Variants in MSRA observed in about 807,000 individuals in gnomAD.
MSRA encodes methionine sulfoxide reductase A.
A neutral mutation model predicts 31.3 loss-of-function variants in MSRA; 54 were observed. The observed-to-expected ratio is 1.73, with a 90% confidence interval of 1.39 to 2.17. The LOEUF (loss-of-function observed/expected upper bound fraction) is 2.17, where lower values mean the gene tolerates loss of function less well. Among genes scored for constraint, MSRA ranks in the 30% most tolerant of loss-of-function variants. The pLI, the probability that MSRA is intolerant of heterozygous loss-of-function variation, is 0.00. For missense variants in MSRA, 507 were observed against 300.9 expected, an observed-to-expected ratio of 1.69 and a Z score of -5.07; for synonymous variants, 169 against 116.5, an observed-to-expected ratio of 1.45 and a Z score of -2.90.
intron 5 of MSRA, among the ~76,000 whole-genome samples, chr8:10,328,436 G>A (rs969297180): frequency 4.0e-5 from 6 of 151,574 alleles, no homozygotes; most frequent in African/African-American, 1.2e-4. Flanking sequence ...TTTCTCTCAC[G>A]TTCACTCTCA....
At chr8:10,192,412 G>C (rs561733359) in intron 1 of MSRA, among the ~76,000 whole-genome samples, 1 of 152,140 alleles carries the variant, frequency 6.6e-6, no homozygotes, top group Non-Finnish European at 1.5e-5. Context: ...CCGCAGCCCA[G>C]CTGACACCTT....
intron 1 of MSRA, among the ~76,000 whole-genome samples, chr8:10,106,028 A>G (rs937667544): frequency 2.0e-5 from 3 of 152,132 alleles, no homozygotes; most frequent in Non-Finnish European, 2.9e-5. Context: ...CGGAAAGGAT[A>G]CTCTTTCCAC....
intron 5 of MSRA, among the ~76,000 whole-genome samples, chr8:10,384,651 G>A (rs930938644): frequency 6.6e-6 from 1 of 152,200 alleles, no homozygotes; most frequent in South Asian, 2.1e-4. Flanking sequence ...TGCAGCCAGG[G>A]CTGAGAACTG....
In MSRA at chr8:10,136,092, T is replaced by C. The variant is rs888003367; in HGVS notation, c.143-71741T>C. On this transcript the variant is annotated intron_variant, in intron 1 of 5. Coordinates refer to ENST00000317173, the MANE Select transcript of MSRA (RefSeq NM_012331.5). The stretch of plus-strand genomic sequence containing the variant: ...ATCTGGAACACTGTATTCTATCCAT[T>C]TTAAATTTTAGGCCATGAAAGTGAG... Among the ~76,000 whole-genome samples the C allele has an allele frequency of 2.0e-5, 3 of 152,222 alleles. No individual in the cohort carries two copies. The East Asian group carries it at 5.8e-4, about 29-fold the overall frequency.
intron 1 of MSRA, among the ~76,000 whole-genome samples, chr8:10,116,529 A>G: frequency 6.6e-6 from 1 of 152,222 alleles, no homozygotes; most frequent in East Asian, 1.9e-4. Flanking sequence ...AGGCTTCTAC[A>G]GATTGTTGTA....
At chr8:10,340,049 G>C (rs920806416) in intron 5 of MSRA, among the ~76,000 whole-genome samples, 3 of 152,166 alleles carry the variant, frequency 2.0e-5, no homozygotes, top group African/African-American at 4.8e-5. Context: ...GCCATTTCCT[G>C]GCCCGTGTGG....
At chr8:10,228,116 C>T (rs1303525656) in intron 2 of MSRA, among the ~76,000 whole-genome samples, 1 of 152,108 alleles carries the variant, frequency 6.6e-6, no homozygotes, top group Admixed American at 6.5e-5. Context: ...CAGGGTCTGG[C>T]TGTCTCTCGT....
chr8:10,167,248 A>G (rs1359685345), intron 1 of MSRA, among the ~76,000 whole-genome samples: 2 of 152,112 alleles, frequency 1.3e-5, no homozygotes, highest in African/African-American at 4.8e-5. Flanking sequence ...CAGTGTTGTG[A>G]GCTTTAACTG....
chr8:10,082,431 T>G (rs1449340317), intron 1 of MSRA, among the ~76,000 whole-genome samples: 1 of 152,114 alleles, frequency 6.6e-6, no homozygotes. Context: ...GCTGTCCACC[T>G]TCCTTCCCAG....
chr8:10,058,821 G>T (rs1802542793), intron 1 of MSRA: 1 of 152,054 alleles, frequency 6.6e-6, no homozygotes, highest in Non-Finnish European at 1.5e-5. Flanking sequence ...TACCTTTTTT[G>T]TATTAAGGAA....
intron 1 of MSRA, among the ~76,000 whole-genome samples, chr8:10,146,499 G>C (rs1190481276): frequency 6.6e-6 from 1 of 152,148 alleles, no homozygotes; most frequent in Non-Finnish European, 1.5e-5. Context: ...GCAGGTGAGT[G>C]GCTGCTGAGG....
intron 3 of MSRA, among the ~76,000 whole-genome samples, chr8:10,281,730 T>C (rs563041550): frequency 6.6e-6 from 1 of 152,292 alleles, no homozygotes; most frequent in Admixed American, 6.5e-5. Context: ...TTTACTTTAT[T>C]CTCTTTGCCA....
At chr8:10,409,708 C>G (rs1033129751) in intron 5 of MSRA, among the ~76,000 whole-genome samples, 23 of 152,228 alleles carry the variant, frequency 1.5e-4, no homozygotes, top group African/African-American at 5.5e-4. Flanking sequence ...CGTGCTTGTC[C>G]TTGTCTCCCA....
At chr8:10,137,704 G>A (rs1802387797) in intron 1 of MSRA, among the ~76,000 whole-genome samples, 1 of 152,152 alleles carries the variant, frequency 6.6e-6, no homozygotes. Flanking sequence ...AAAGTGGGCA[G>A]TGGGAGTGGT....
chr8:10,142,310 G>A (rs1554461742), intron 1 of MSRA, among the ~76,000 whole-genome samples: 2 of 151,980 alleles, frequency 1.3e-5, no homozygotes, highest in Non-Finnish European at 2.9e-5. Flanking sequence ...GGCCAACGAG[G>A]TAGGTAATAG....
At chr8:10,174,943 C>A (rs117893595) in intron 1 of MSRA, among the ~76,000 whole-genome samples, 1 of 152,216 alleles carries the variant, frequency 6.6e-6, no homozygotes, top group Non-Finnish European at 1.5e-5. Context: ...ACAGCCTTGC[C>A]GATCTTGCCC....
At chr8:10,242,888 C>T (rs1797409769) in intron 2 of MSRA, among the ~76,000 whole-genome samples, 1 of 152,146 alleles carries the variant, frequency 6.6e-6, no homozygotes, top group African/African-American at 2.4e-5. Context: ...GACCATATTC[C>T]AGTCCCTGAG....
At chr8:10,298,113 C>T (rs1800641428) in intron 3 of MSRA, among the ~76,000 whole-genome samples, 1 of 152,174 alleles carries the variant, frequency 6.6e-6, no homozygotes, top group South Asian at 2.1e-4. Flanking sequence ...ACCTTGATTT[C>T]CTCATCTGTT....
intron 3 of MSRA, among the ~76,000 whole-genome samples, chr8:10,291,526 G>A (rs2129117012): frequency 6.6e-6 from 1 of 152,034 alleles, no homozygotes; most frequent in South Asian, 2.1e-4. Context: ...TTTATAATGA[G>A]TACATTGTTG....
Sources: allele counts gnomAD v4.1 joint callset (sites outside exome capture counted in the v4.1 genomes callset), GRCh38; gene constraint gnomAD v4.1.1; transcripts MANE v1.5; gene names NCBI Gene and HGNC (gene_info 2026-07-23, HGNC 2026-07-21).